The following LAMA1 variants were observed in gnomAD, a reference collection of about 807,000 sequenced individuals.
The protein encoded by LAMA1 is laminin subunit alpha-1.
In LAMA1, 219 loss-of-function variants were observed where a neutral mutation model predicts 348.7. The ratio of observed to expected loss-of-function variants is 0.63; its 90% confidence interval spans 0.56 to 0.70. LAMA1 has a LOEUF of 0.70. LAMA1 is among the 30% of genes least tolerant of loss of function. The pLI is 0.00. For missense variants in LAMA1, 3,744 were observed against 3,888.0 expected (o/e 0.96, Z 0.99); for synonymous variants, 1,487 against 1,491.0 (o/e 1.00, Z 0.06).
In LAMA1 at chr18:6,943,193, A is replaced by C. The variant is rs879116803; in HGVS notation, c.9054T>G (p.Val3018=). 2 of 1,614,204 alleles carry C rather than the reference A, an allele frequency of 1.2e-6. No individual in the cohort carries two copies. Among genetic ancestry groups the C allele is most frequent in the Admixed American group, 1.7e-5 (1 of 60,026 alleles). ...ACCCGTACATACCAGGATAGCCACC[A>C]ACATAAATGGGATTGTTGGTGTCCA... ...TSVDTNNPIY[V]GGYPAGVKQK... is the part of the protein sequence containing the mutation. The change falls in exon 62 of 63, where the codon GTT becomes GTG. Residue 3018 remains valine (V), a synonymous_variant. Coordinates refer to ENST00000389658, the MANE Select transcript of LAMA1 (RefSeq NM_005559.4).
chr18:6,952,864 G>A (rs1022482537), intron 57 of LAMA1, among the ~76,000 whole-genome samples: 2 of 149,784 alleles, frequency 1.3e-5, no homozygotes, highest in East Asian at 4.1e-4. Flanking sequence ...GTGTCCAGCG[G>A]ATCCACGCCA....
intron 4 of LAMA1, 76 bp from the exon 5 acceptor site, chr18:7,049,333 T>C: frequency 7.3e-7 from 1 of 1,375,406 alleles, no homozygotes; most frequent in South Asian, 1.2e-5. Context: ...GGCGTCTCGC[T>C]CTTTGGTCCA....
At chr18:7,103,181 G>A (rs1421151771) in intron 1 of LAMA1, among the ~76,000 whole-genome samples, 1 of 152,182 alleles carries the variant, frequency 6.6e-6, no homozygotes, top group African/African-American at 2.4e-5. Flanking sequence ...ACTTTGGGAG[G>A]CCGAGGCAGG....
intron 1 of LAMA1, among the ~76,000 whole-genome samples, chr18:7,090,318 G>A (rs769068145): frequency 3.3e-5 from 5 of 152,230 alleles, no homozygotes; most frequent in Non-Finnish European, 5.9e-5. Context: ...AATGTAAAAC[G>A]AGACTCTCAT....
At chr18:7,074,004 T>G (rs948989760) in intron 3 of LAMA1, among the ~76,000 whole-genome samples, 13 of 151,288 alleles carry the variant, frequency 8.6e-5, no homozygotes, top group Non-Finnish European at 1.0e-4. Context: ...CCGGCTAATT[T>G]TTTGTATTTT....
chr18:7,032,062 T>TC lies in LAMA1; in HGVS notation c.2274+3dup. On this transcript the variant is annotated splice_donor_region_variant and intron_variant, in intron 16 of 62. Transcript: ENST00000389658. Reference sequence around the variant, plus strand: ...GGGCACCTGAACTACAGTGAGAGACTCACAATGCAAACGCCGTGAACATTA... The same window carrying TC: ...GGGCACCTGAACTACAGTGAGAGACTCCACAATGCAAACGCCGTGAACATTA... The TC allele has an allele frequency of 1.2e-6, 2 of 1,612,776 alleles. No homozygotes were observed. The highest frequency in any genetic ancestry group is 1.7e-6 in the Non-Finnish European group (2 of 1,178,876).
chr18:7,053,324 G>T (rs148925583), intron 3 of LAMA1, among the ~76,000 whole-genome samples: 249 of 152,280 alleles, frequency 1.6e-3, no homozygotes, highest in Middle Eastern at 6.8e-3. Flanking sequence ...GGAACCCTCA[G>T]GTAAACTATG....
intron 48 of LAMA1, among the ~76,000 whole-genome samples, chr18:6,971,227 G>A (rs185208797): frequency 6.6e-6 from 1 of 152,280 alleles, no homozygotes; most frequent in Admixed American, 6.5e-5. Flanking sequence ...GGTTGGGGGG[G>A]AAGATGTTGC....
chr18:6,946,135 T>TA (rs1000668097), intron 61 of LAMA1, among the ~76,000 whole-genome samples: 4 of 151,478 alleles, frequency 2.6e-5, no homozygotes, highest in Non-Finnish European at 5.9e-5. Flanking sequence ...TGTTCTACAT[T>TA]AAAAAAAAAT....
chr18:7,103,768 G>A (rs762685437), intron 1 of LAMA1, among the ~76,000 whole-genome samples: 7 of 151,226 alleles, frequency 4.6e-5, no homozygotes, highest in African/African-American at 1.7e-4. Flanking sequence ...GCATTGAGCC[G>A]AGATTGTGCC....
chr18:6,994,990 GC>G (rs1220776100), intron 34 of LAMA1, among the ~76,000 whole-genome samples: 1 of 152,236 alleles, frequency 6.6e-6, no homozygotes, highest in East Asian at 1.9e-4. Context: ...TTCAGTCCGT[GC>G]TTTTGGGCTC....
At chr18:6,955,162 C>T (rs2057569404) in intron 57 of LAMA1, 191 bp downstream of exon 57, 4 of 622,836 alleles carry the variant, frequency 6.4e-6, no homozygotes, top group East Asian at 2.9e-5. Flanking sequence ...CCACAGACTC[C>T]CCAGTGAACC....
At chr18:7,007,962 T>G (rs2057840896) in intron 28 of LAMA1, among the ~76,000 whole-genome samples, 1 of 150,432 alleles carries the variant, frequency 6.6e-6, no homozygotes, top group Non-Finnish European at 1.5e-5. Context: ...AGACGGAGTA[T>G]CTCTCTGTCA....
intron 1 of LAMA1, among the ~76,000 whole-genome samples, chr18:7,097,639 C>T (rs1047640649): frequency 6.6e-6 from 1 of 151,652 alleles, no homozygotes. Context: ...TACTATAAAG[C>T]CAAAGAAGTC....
rs182927027 is a variant in LAMA1 at position 6,976,092 on chromosome 18, A to T, written c.6346-12T>A. The stretch of plus-strand genomic sequence containing the variant: ...ACGGCGACTTTAATCTGTAGAAGGA[A>T]AATGAAAGTGTCCCCATCATTTAGT... On this transcript the variant is annotated splice_polypyrimidine_tract_variant and intron_variant, in intron 44 of 62. Transcript: ENST00000389658. The T allele has an allele frequency of 1.2e-6, 2 of 1,613,888 alleles. No individual in the cohort carries two copies.
chr18:7,099,718 A>T (rs2058283510), intron 1 of LAMA1, among the ~76,000 whole-genome samples: 1 of 151,926 alleles, frequency 6.6e-6, no homozygotes, highest in Admixed American at 6.6e-5. Flanking sequence ...ATAATAAAAA[A>T]TAAAAAAAAC....
At chr18:7,098,027 T>TTTTGGTGGAG (rs1244328009) in intron 1 of LAMA1, among the ~76,000 whole-genome samples, 1 of 150,168 alleles carries the variant, frequency 6.7e-6, no homozygotes, top group Non-Finnish European at 1.5e-5. Context: ...GCCTGACTGG[T>TTTTGGTGGAG]TTTGGTGGAG....
At chr18:7,006,983 C>G (rs2057834989) in intron 29 of LAMA1, among the ~76,000 whole-genome samples, 156 bp downstream of exon 29, 1 of 152,156 alleles carries the variant, frequency 6.6e-6, no homozygotes, top group African/African-American at 2.4e-5. Context: ...AACCACTAAG[C>G]TATGCCGTCC....
At chr18:7,092,096 T>G (rs896692081) in intron 1 of LAMA1, among the ~76,000 whole-genome samples, 2 of 152,218 alleles carry the variant, frequency 1.3e-5, no homozygotes, top group African/African-American at 4.8e-5. Flanking sequence ...TTAAATTATT[T>G]TGGTGTCATT....
Sources: allele counts gnomAD v4.1 joint callset (sites outside exome capture counted in the v4.1 genomes callset), GRCh38; gene constraint gnomAD v4.1.1; transcripts MANE v1.5; gene names NCBI Gene and HGNC (gene_info 2026-07-23, HGNC 2026-07-21).